Variants in IFI16 observed in about 807,000 individuals in gnomAD.
IFI16 encodes interferon gamma inducible protein 16, also known as gamma-interferon-inducible protein 16.
A neutral mutation model predicts 68.4 loss-of-function variants in IFI16; 49 were observed. That is an observed-to-expected ratio of 0.72 (90% CI 0.57 to 0.91). The LOEUF (loss-of-function observed/expected upper bound fraction) is 0.91, where lower values mean the gene tolerates loss of function less well. IFI16 is among the 40% of genes least tolerant of loss of function. The probability of loss-of-function intolerance (pLI) is 0.00; values close to 1 mark genes in which losing one functional copy is unlikely to be tolerated. For synonymous variants in IFI16, 307 were observed against 315.0 expected (o/e 0.97, Z 0.27); for missense variants, 878 against 942.9 (o/e 0.93, Z 0.90).
At chr1:159,020,959 G>T (rs556311941) in intron 6 of IFI16, among the ~76,000 whole-genome samples, 1 of 152,148 alleles carries the variant, frequency 6.6e-6, no homozygotes, top group South Asian at 2.1e-4. Flanking sequence ...ATTATTTGCA[G>T]TGATCAAAAT....
At chr1:159,049,943 C>T (rs917652498) in intron 9 of IFI16, among the ~76,000 whole-genome samples, 3 of 151,532 alleles carry the variant, frequency 2.0e-5, no homozygotes, top group African/African-American at 4.9e-5. Context: ...CTGATTTTTC[C>T]CCTTTCATTT....
intron 2 of IFI16, 174 bp from the exon 3 acceptor site, chr1:159,015,698 C>G (rs1434880033): frequency 1.7e-6 from 1 of 577,956 alleles, no homozygotes; most frequent in Non-Finnish European, 3.1e-6. Context: ...CTTGTGACTG[C>G]TGGTCTCCTT....
intron 7 of IFI16, among the ~76,000 whole-genome samples, 161 bp downstream of exon 7, chr1:159,032,852 T>C (rs962980322): frequency 7.9e-5 from 12 of 152,162 alleles, no homozygotes; most frequent in Non-Finnish European, 1.8e-4. Context: ...TACAGTGAGA[T>C]AGCACCACAT....
At chr1:159,045,810 C>T (rs889527404) in intron 8 of IFI16, among the ~76,000 whole-genome samples, 1 of 151,170 alleles carries the variant, frequency 6.6e-6, no homozygotes, top group African/African-American at 2.4e-5. Context: ...GATTCTTTCT[C>T]TTTCATTTAT....
At chr1:159,047,863 C>T (rs532265239) in intron 8 of IFI16, among the ~76,000 whole-genome samples, 1 of 150,958 alleles carries the variant, frequency 6.6e-6, no homozygotes, top group East Asian at 1.9e-4. Context: ...GTGAACAGTA[C>T]ACAAGGGCAT....
At chr1:159,042,602 C>T (rs1249765864) in intron 7 of IFI16, among the ~76,000 whole-genome samples, 1 of 152,154 alleles carries the variant, frequency 6.6e-6, no homozygotes, top group Non-Finnish European at 1.5e-5. Context: ...ATTCCTTGAG[C>T]AAGTTCTCAC....
At chr1:159,039,645 G>T (rs1654508297) in intron 7 of IFI16, among the ~76,000 whole-genome samples, 1 of 151,998 alleles carries the variant, frequency 6.6e-6, no homozygotes, top group South Asian at 2.1e-4. Flanking sequence ...TGCCTGGCCG[G>T]GTTCTATCTC....
At chr1:159,020,583 A>C (rs1474548606) in intron 6 of IFI16, 54 bp downstream of exon 6, 1 of 1,384,760 alleles carries the variant, frequency 7.2e-7, no homozygotes, top group African/African-American at 1.5e-5. Context: ...GATTTGCTTT[A>C]AGTTTTGGCA....
At chr1:159,005,925 A>T (rs1403412062), upstream of IFI16, 1 of 152,708 alleles carries the variant, frequency 6.5e-6, no homozygotes, top group African/African-American at 2.4e-5. Context: ...CCCACCCCTC[A>T]GCGCCCCCAT....
At position 159,032,564 on chromosome 1, in the gene IFI16, G is replaced by A; in HGVS notation, c.1202G>A (p.Ser401Asn). 1 of 1,609,878 alleles carries A rather than the reference G, an allele frequency of 6.2e-7. No homozygotes were observed. Among genetic ancestry groups the A allele is most frequent in the Non-Finnish European group, 8.5e-7 (1 of 1,177,960 alleles). The change falls in exon 7 of 12, where the codon AGC (serine) becomes AAC (asparagine). Residue 401 changes from serine (S) to asparagine (N), a missense_variant. Physicochemically the swap from Ser to Asn is conservative, Grantham distance 46 (BLOSUM62 1). Coordinates refer to ENST00000295809, the MANE Select transcript of IFI16 (RefSeq NM_001376587.1). ...KTNPRNNDPKSMKLPQEQRQL... is the reference protein window; with the variant it reads ...KTNPRNNDPKNMKLPQEQRQL... ...AACCCGAGAAACAATGACCCCAAGAGCATGAAGCTACCCCAGGAACAGCGT... is the reference window on the plus strand; with the variant it reads ...AACCCGAGAAACAATGACCCCAAGAACATGAAGCTACCCCAGGAACAGCGT...
At chr1:159,050,042 T>G (rs1557882744) in intron 9 of IFI16, among the ~76,000 whole-genome samples, 1 of 152,246 alleles carries the variant, frequency 6.6e-6, no homozygotes, top group Non-Finnish European at 1.5e-5. Flanking sequence ...CTCTATCTAA[T>G]GCCACATTTC....
chr1:159,027,616 C>A (rs1653753737), intron 6 of IFI16, among the ~76,000 whole-genome samples: 1 of 152,114 alleles, frequency 6.6e-6, no homozygotes. Context: ...ACCAATTATT[C>A]TTTGAATGTC....
At chr1:159,050,993 T>C (rs1269233492) in intron 9 of IFI16, among the ~76,000 whole-genome samples, 1 of 152,198 alleles carries the variant, frequency 6.6e-6, no homozygotes, top group African/African-American at 2.4e-5. Flanking sequence ...TCATGAAATC[T>C]AAGGTTTGTG....
intron 7 of IFI16, among the ~76,000 whole-genome samples, chr1:159,040,975 T>C (rs1423187488): frequency 1.3e-5 from 2 of 152,200 alleles, no homozygotes; most frequent in South Asian, 2.1e-4. Flanking sequence ...AGTGTCAGGC[T>C]TGGGTTTGTT....
intron 6 of IFI16, among the ~76,000 whole-genome samples, chr1:159,023,553 T>A (rs1388417919): frequency 6.6e-6 from 1 of 152,234 alleles, no homozygotes; most frequent in African/African-American, 2.4e-5. Context: ...AGGACCTTAA[T>A]AGCATTTATG....
At chr1:159,008,436 A>G (rs547536405), upstream of IFI16, among the ~76,000 whole-genome samples, 147 of 152,312 alleles carry the variant, frequency 9.7e-4, no homozygotes, top group Non-Finnish European at 1.7e-3. Flanking sequence ...TCTTTGTGGT[A>G]TGAATTATGG....
At chr1:159,009,138 A>G (rs946367378), upstream of IFI16, 5 of 152,206 alleles carry the variant, frequency 3.3e-5, no homozygotes, top group Non-Finnish European at 1.5e-5. Context: ...CAAGTCTTCG[A>G]TGCTGTCATG....
chr1:159,046,989 C>T (rs1655028044), intron 8 of IFI16, among the ~76,000 whole-genome samples: 1 of 150,800 alleles, frequency 6.6e-6, no homozygotes, highest in Non-Finnish European at 1.5e-5. Context: ...CTTATCCCAG[C>T]TTGCCTTTTG....
chr1:159,023,929 T>C (rs1653492316), intron 6 of IFI16, among the ~76,000 whole-genome samples: 1 of 152,148 alleles, frequency 6.6e-6, no homozygotes, highest in Non-Finnish European at 1.5e-5. Context: ...CCCCGGGGTA[T>C]TGAGTTTCAG....
Sources: allele counts gnomAD v4.1 joint callset (sites outside exome capture counted in the v4.1 genomes callset), GRCh38; gene constraint gnomAD v4.1.1; transcripts MANE v1.5; gene names NCBI Gene and HGNC (gene_info 2026-07-23, HGNC 2026-07-21).